The following MICU1 variants were observed in gnomAD, a reference collection of about 807,000 sequenced individuals.
The protein encoded by MICU1 is calcium uptake protein 1, mitochondrial.
In MICU1, 45 loss-of-function variants were observed where a neutral mutation model predicts 56.8. The observed-to-expected ratio is 0.79, with a 90% CI of 0.62 to 1.02. The LOEUF (loss-of-function observed/expected upper bound fraction) is 1.02. MICU1 is among the 50% of genes least tolerant of loss of function. MICU1 has a pLI of 0.00. For synonymous variants in MICU1, 186 were observed against 195.1 expected (o/e 0.95, Z 0.39); for missense variants, 504 against 587.1 (o/e 0.86, Z 1.46).
At chr10:72,517,818 G>C (rs1867695840) in intron 5 of MICU1, among the ~76,000 whole-genome samples, 1 of 150,028 alleles carries the variant, frequency 6.7e-6, no homozygotes, top group South Asian at 2.1e-4. Flanking sequence ...CAAGTAAAAT[G>C]ATCCTTCATT....
intron 10 of MICU1, among the ~76,000 whole-genome samples, chr10:72,389,902 A>G (rs1038914929): frequency 1.3e-5 from 2 of 152,222 alleles, no homozygotes; most frequent in Non-Finnish European, 2.9e-5. Context: ...ACTTAAATCA[A>G]TCAGCCAGCC....
At chr10:72,500,276 A>ATATATATATT (rs1554881653) in intron 6 of MICU1, among the ~76,000 whole-genome samples, 2 of 11,542 alleles carry the variant, frequency 1.7e-4, no homozygotes, top group African/African-American at 3.9e-4. Context: ...ATATATATAT[A>ATATATATATT]TATATATATA....
intron 6 of MICU1, among the ~76,000 whole-genome samples, chr10:72,491,227 T>A (rs1866645244): frequency 6.6e-6 from 1 of 152,224 alleles, no homozygotes; most frequent in Non-Finnish European, 1.5e-5. Context: ...ATAGATAATT[T>A]GTTATTCTCC....
chr10:72,592,783 CTTT>C (rs1264231748), intron 1 of MICU1, among the ~76,000 whole-genome samples: 6 of 137,622 alleles, frequency 4.4e-5, no homozygotes, highest in Admixed American at 7.3e-5. Flanking sequence ...ACTTTTCTTT[CTTT>C]TTTTTTTTTT....
chr10:72,569,145 A>G lies in MICU1; in HGVS notation c.-1-2351T>C, dbSNP rs564396905. Among the ~76,000 whole-genome samples, 113 of 148,276 alleles carry G rather than the reference A, an allele frequency of 7.6e-4. 1 individual carries two copies. The highest frequency in any genetic ancestry group is 2.5e-3 in the African/African-American group (101 of 40,518). ...GAAAGCCAAAAACTATCTACATTCTAATTAAACAAGATAAATACAAAACAC... is the reference window on the plus strand; with the variant it reads ...GAAAGCCAAAAACTATCTACATTCTGATTAAACAAGATAAATACAAAACAC... On this transcript the variant is annotated intron_variant, in intron 1 of 11. Coordinates refer to ENST00000361114, the MANE Select transcript of MICU1 (RefSeq NM_001195518.2).
chr10:72,448,419 C>A (rs1273225106), intron 8 of MICU1, among the ~76,000 whole-genome samples: 1 of 151,492 alleles, frequency 6.6e-6, no homozygotes, highest in African/African-American at 2.4e-5. Flanking sequence ...AGTCATCCGC[C>A]CACCTTGGCC....
intron 4 of MICU1, among the ~76,000 whole-genome samples, chr10:72,534,786 G>A (rs1203886050): frequency 6.6e-6 from 1 of 151,970 alleles, no homozygotes; most frequent in South Asian, 2.1e-4. Context: ...TCTTCCAGAA[G>A]CCAGCCCTAA....
At chr10:72,421,046 GA>G (rs796481466) in intron 9 of MICU1, among the ~76,000 whole-genome samples, 11 of 144,160 alleles carry the variant, frequency 7.6e-5, no homozygotes, top group African/African-American at 2.6e-4. Context: ...ATAATAAAAA[GA>G]AAAGAAAAAT....
chr10:72,509,538 A>T, intron 5 of MICU1: 1 of 627,812 alleles, frequency 1.6e-6, no homozygotes, highest in Non-Finnish European at 2.6e-6. Context: ...AGCCTCTACT[A>T]GATATTTACT....
rs577061126 is a variant in MICU1, at chr10:72,504,571, G to A, written c.652+3584C>T. On this transcript the variant is annotated intron_variant, in intron 6 of 11. Transcript: ENST00000361114. ...CCATTCTAGACATCAACTTTGGGGCGAAATTTATGAGTTATTCCCCAAAAG... is the reference window on the plus strand; with the variant it reads ...CCATTCTAGACATCAACTTTGGGGCAAAATTTATGAGTTATTCCCCAAAAG... Among the ~76,000 whole-genome samples the A allele has an allele frequency of 1.1e-3, 162 of 152,092 alleles. No individual in the cohort carries two copies. The South Asian group carries it at 0.015, about 14-fold the overall frequency.
intron 6 of MICU1, among the ~76,000 whole-genome samples, chr10:72,492,882 C>T (rs528898255): frequency 7.8e-4 from 118 of 151,534 alleles, no homozygotes; most frequent in Middle Eastern, 3.4e-3. Flanking sequence ...TTTGGGAGGC[C>T]GAGGCGAGTG....
At chr10:72,383,245 CAAAAA>C (rs56293812) in intron 10 of MICU1, among the ~76,000 whole-genome samples, 3 of 119,116 alleles carry the variant, frequency 2.5e-5, no homozygotes, top group Non-Finnish European at 4.9e-5. Flanking sequence ...GACCCTGTCT[CAAAAA>C]AAAAAAAAAA....
chr10:72,405,812 C>G (rs1050210142), intron 10 of MICU1, among the ~76,000 whole-genome samples: 1 of 151,958 alleles, frequency 6.6e-6, no homozygotes, highest in African/African-American at 2.4e-5. Flanking sequence ...ATGACAAAAA[C>G]CCTTTTCAAA....
chr10:72,543,545 T>C (rs1839825034), intron 4 of MICU1, among the ~76,000 whole-genome samples: 1 of 151,772 alleles, frequency 6.6e-6, no homozygotes, highest in Admixed American at 6.6e-5. Flanking sequence ...TAAAGTACTG[T>C]ATGTAAGATT....
chr10:72,485,952 AAT>A (rs1419546099), intron 6 of MICU1, among the ~76,000 whole-genome samples: 55 of 152,020 alleles, frequency 3.6e-4, no homozygotes, highest in Non-Finnish European at 1.5e-4. Flanking sequence ...GGTCACCATT[AAT>A]AGAGTGTTGA....
chr10:72,524,838 C>T (rs576257727), intron 5 of MICU1: 718 of 809,660 alleles, frequency 8.9e-4, no homozygotes, highest in Non-Finnish European at 1.1e-3. Context: ...ACATAATATA[C>T]AAAGAAACAG....
In MICU1 at chr10:72,551,240, TTCTGCTTCACCAGGC is replaced by T. The variant is rs1301778121; in HGVS notation, c.417_431del (p.Pro140_Glu144del). 6.2e-7 allele frequency: 1 copy of T among 1,612,922 alleles called. No individual in the cohort carries two copies. ...CAAAATCTTCTGGTGTCATAAACAC[TTCTGCTTCACCAGGC>T]TCACTGATGACTTTCAAGGTGGCAA... is the stretch of plus-strand genomic sequence containing the variant. On this transcript the variant is annotated inframe_deletion, in exon 4 of 12. Transcript: ENST00000361114.
At position 72,573,192 on chromosome 10, in the gene MICU1, A is replaced by G. The variant is rs182335467; in HGVS notation, c.-1-6398T>C. ...GTTATCTTTTTAAAAGCAATAGGCCAGCCGCAGTAGCTCATGCCTGTAATC... is the reference window on the plus strand; with the variant it reads ...GTTATCTTTTTAAAAGCAATAGGCCGGCCGCAGTAGCTCATGCCTGTAATC... On this transcript the variant is annotated intron_variant, in intron 1 of 11. Transcript: ENST00000361114. Among the ~76,000 whole-genome samples the G allele has an allele frequency of 1.3e-4, 20 of 151,730 alleles. No individual in the cohort carries two copies. In the East Asian group the frequency reaches 2.5e-3, roughly 19 times the overall value.
At chr10:72,405,977 G>A (rs927852608) in intron 10 of MICU1, among the ~76,000 whole-genome samples, 6 of 151,784 alleles carry the variant, frequency 4.0e-5, no homozygotes, top group Non-Finnish European at 7.4e-5. Flanking sequence ...TATTGTATTG[G>A]TGGGGTAAGC....
Sources: gnomAD v4.1 joint callset for allele counts (sites outside exome capture counted in the v4.1 genomes callset) on GRCh38, gnomAD v4.1.1 for gene constraint, MANE v1.5 for transcripts, NCBI Gene and HGNC (gene_info 2026-07-23, HGNC 2026-07-21) for gene names.